The following TRAPPC8 variants were observed in gnomAD, a reference collection of about 807,000 sequenced individuals.
The protein encoded by TRAPPC8 is general sporulation gene 1 homolog.
A neutral mutation model predicts 174.3 loss-of-function variants in TRAPPC8; 54 were observed. The ratio of observed to expected loss-of-function variants is 0.31; its 90% CI spans 0.25 to 0.39. TRAPPC8 has a LOEUF of 0.39. Among genes scored for constraint, TRAPPC8 ranks in the 10% least tolerant of loss-of-function variants. The pLI is 1.00. For synonymous variants in TRAPPC8, 630 were observed against 579.9 expected, an observed-to-expected ratio of 1.09 and a Z score of -1.24; for missense variants, 1,531 against 1,699.1, an observed-to-expected ratio of 0.90 and a Z score of 1.74.
intron 2 of TRAPPC8, among the ~76,000 whole-genome samples, chr18:31,921,618 CAAA>C (rs34622423): frequency 3.2e-5 from 2 of 61,832 alleles, no homozygotes; most frequent in Non-Finnish European, 3.6e-5. Flanking sequence ...GACTCCGTCT[CAAA>C]AAAAAAAAAA....
At chr18:31,899,882 G>A (rs1335825659) in intron 10 of TRAPPC8, among the ~76,000 whole-genome samples, 1 of 151,922 alleles carries the variant, frequency 6.6e-6, no homozygotes, top group Non-Finnish European at 1.5e-5. Context: ...GGAGGTGGAG[G>A]TAGCAATGAG....
At chr18:31,851,303 T>C (rs1276463945) in intron 24 of TRAPPC8, among the ~76,000 whole-genome samples, 1 of 152,098 alleles carries the variant, frequency 6.6e-6, no homozygotes, top group East Asian at 1.9e-4. Context: ...GCTTTAGAGG[T>C]AGGGGAGGTA....
At chr18:31,886,172 A>AT (rs1242120086) in intron 12 of TRAPPC8, among the ~76,000 whole-genome samples, 1 of 151,286 alleles carries the variant, frequency 6.6e-6, no homozygotes, top group East Asian at 2.0e-4. Context: ...TGCCTGGCTA[A>AT]TTTTTTTCGT....
At position 31,864,652 on chromosome 18, in the gene TRAPPC8, A is replaced by G. The variant is rs377123357; in HGVS notation, c.2720T>C (p.Ile907Thr). 1 of 1,612,638 alleles carries G rather than the reference A, an allele frequency of 6.2e-7. No individual in the cohort carries two copies. The highest frequency in any genetic ancestry group is 8.5e-7 in the Non-Finnish European group (1 of 1,179,408). ...YGPDRRLDPI[I>T]TEEMPLLEVF... Reference sequence around the variant, plus strand: ...CTCCAACAGTGGCATTTCTTCTGTGATTATGGGATCTAAACGTCGATCAGG... The same window carrying G: ...CTCCAACAGTGGCATTTCTTCTGTGGTTATGGGATCTAAACGTCGATCAGG... The change falls in exon 19 of 29, where the codon ATC becomes ACC. Residue 907 changes from isoleucine (I) to threonine (T), a missense_variant. Ile to Thr is a moderately conservative substitution (Grantham distance 89). Transcript: ENST00000283351.
At chr18:31,922,772 C>T (rs2037444529) in intron 2 of TRAPPC8, among the ~76,000 whole-genome samples, 1 of 152,064 alleles carries the variant, frequency 6.6e-6, no homozygotes, top group Non-Finnish European at 1.5e-5. Flanking sequence ...AATCCCAGCA[C>T]TTTGGGAGGC....
At chr18:31,930,052 C>G (rs1352722329) in intron 2 of TRAPPC8, among the ~76,000 whole-genome samples, 2 of 151,752 alleles carry the variant, frequency 1.3e-5, no homozygotes, top group Admixed American at 6.6e-5. Context: ...TTTAACTATA[C>G]AAGAGCAACA....
intron 2 of TRAPPC8, among the ~76,000 whole-genome samples, chr18:31,924,322 TG>T (rs2037518851): frequency 6.9e-6 from 1 of 145,666 alleles, no homozygotes; most frequent in African/African-American, 2.5e-5. Context: ...GGCGTCGTGG[TG>T]GGCGCCTGTA....
chr18:31,841,251 A>G (rs2033079774), intron 26 of TRAPPC8, among the ~76,000 whole-genome samples: 1 of 152,148 alleles, frequency 6.6e-6, no homozygotes, highest in Non-Finnish European at 1.5e-5. Context: ...AAAGAAAACC[A>G]GAATTTGCTT....
At chr18:31,867,357 T>C (rs769216889) in intron 17 of TRAPPC8, 45 bp downstream of exon 17, 1 of 1,349,468 alleles carries the variant, frequency 7.4e-7, no homozygotes, top group South Asian at 1.3e-5. Flanking sequence ...TGTTTTCACC[T>C]TACTTTCAGA....
chr18:31,846,768 T>C lies in TRAPPC8; in HGVS notation c.3785A>G (p.His1262Arg), dbSNP rs1021897339. 2.5e-6 allele frequency: 4 copies of C among 1,613,152 alleles called. No homozygotes were observed. Among genetic ancestry groups the C allele is most frequent in the Non-Finnish European group, 3.4e-6 (4 of 1,179,338 alleles). Reference protein sequence around the residue: ...SKQLILEGQHHVILRTIGKEA... With the variant: ...SKQLILEGQHRVILRTIGKEA... ...TTTTCCTATAGTGCGAAGAATAACA[T>C]GATGTTGACCTTCCAAAATAAGCTG... Residue 1262 changes from histidine to arginine, a missense_variant, in exon 26 of 29, where the codon CAT (histidine) becomes CGT (arginine). By Grantham distance (29) the His-to-Arg change is conservative (BLOSUM62 0). Transcript: ENST00000283351.
In TRAPPC8 at chr18:31,931,280, A is replaced by G. The variant is rs191239625; in HGVS notation, c.352+49T>C. The G allele has an allele frequency of 1.7e-4, 251 of 1,463,452 alleles. 2 individuals carry two copies. In the East Asian group the frequency reaches 5.2e-3, roughly 30 times the overall value. 90.7% of individuals were successfully genotyped at this position (1,463,452 alleles called of 1,614,324 possible). Reference sequence around the variant, plus strand: ...CCCAAGTCATAGAATCGCTTTTTCTAACAAAACGAAATTTCACTCAAAAAA... The same window carrying G: ...CCCAAGTCATAGAATCGCTTTTTCTGACAAAACGAAATTTCACTCAAAAAA... On this transcript the variant is annotated intron_variant, in intron 2 of 28. Transcript: ENST00000283351.
intron 27 of TRAPPC8, among the ~76,000 whole-genome samples, chr18:31,835,146 C>T (rs529333974): frequency 6.6e-6 from 1 of 152,036 alleles, no homozygotes; most frequent in Admixed American, 6.5e-5. Flanking sequence ...CTCAGTACAG[C>T]GAGAATTCTT....
intron 1 of TRAPPC8, among the ~76,000 whole-genome samples, chr18:31,935,564 A>AAAAAAAAAAAAAAAAAC: frequency 7.0e-6 from 1 of 143,308 alleles, no homozygotes; most frequent in African/African-American, 2.6e-5. Flanking sequence ...AAAAAAAAAA[A>AAAAAAAAAAAAAAAAAC]AAAAGCAGGC....
chr18:31,856,454 G>A, intron 20 of TRAPPC8, among the ~76,000 whole-genome samples: 1 of 90,562 alleles, frequency 1.1e-5, no homozygotes, highest in East Asian at 2.9e-4. Context: ...CTGACCTTAA[G>A]TGATCTTAAG....
chr18:31,926,472 G>GA (rs2037620636), intron 2 of TRAPPC8: 2 of 148,726 alleles, frequency 1.3e-5, no homozygotes, highest in East Asian at 3.9e-4. Flanking sequence ...TTTTGTTTTG[G>GA]TTTTTTTTTT....
chr18:31,885,892 G>A (rs1249690613), intron 12 of TRAPPC8, among the ~76,000 whole-genome samples: 1 of 151,576 alleles, frequency 6.6e-6, no homozygotes, highest in Non-Finnish European at 1.5e-5. Context: ...TATGTCCTAA[G>A]GTATTTGAGG....
At chr18:31,864,435 C>T (rs1237360086) in intron 19 of TRAPPC8, among the ~76,000 whole-genome samples, 192 bp downstream of exon 19, 1 of 151,846 alleles carries the variant, frequency 6.6e-6, no homozygotes, top group Non-Finnish European at 1.5e-5. Context: ...ATTTTATAGC[C>T]TGGCTATGAC....
intron 12 of TRAPPC8, among the ~76,000 whole-genome samples, chr18:31,889,069 G>T (rs531580527): frequency 1.3e-5 from 2 of 152,188 alleles, no homozygotes; most frequent in African/African-American, 4.8e-5. Context: ...TTATCTAGTA[G>T]ATCTTAATTT....
chr18:31,880,118 TATA>T (rs1338679808), intron 12 of TRAPPC8, among the ~76,000 whole-genome samples: 52 of 73,194 alleles, frequency 7.1e-4, no homozygotes, highest in African/African-American at 9.9e-4. Context: ...TATATATATA[TATA>T]TTTTTTTTTT....
Sources: allele counts gnomAD v4.1 joint callset (sites outside exome capture counted in the v4.1 genomes callset), GRCh38; gene constraint gnomAD v4.1.1; transcripts MANE v1.5; gene names NCBI Gene and HGNC (gene_info 2026-07-23, HGNC 2026-07-21).